The following GMPR variants were observed in gnomAD, a reference collection of about 807,000 sequenced individuals.
GMPR encodes the protein guanosine monophosphate reductase.
A neutral mutation model predicts 38.4 loss-of-function variants in GMPR; 31 were observed. That is an observed-to-expected ratio of 0.81 (90% CI 0.61 to 1.09). The LOEUF (loss-of-function observed/expected upper bound fraction) is 1.09, where lower values mean the gene tolerates loss of function less well. GMPR is among the 50% of genes least tolerant of loss of function. The pLI is 0.00. For synonymous variants in GMPR, 162 were observed against 173.3 expected (o/e 0.93, Z 0.51); for missense variants, 468 against 453.7 (o/e 1.03, Z -0.29).
intron 4 of GMPR, among the ~76,000 whole-genome samples, chr6:16,266,177 CACTTGCCATCTTTAAGAGCTGTAA>C: frequency 2.9e-5 from 4 of 139,922 alleles, no homozygotes; most frequent in Non-Finnish European, 4.5e-5. Flanking sequence ...AGAGCTGTAA[CACTTGCCATCTTTAAGAGCTGTAA>C]CACTCGCTGC....
chr6:16,241,325 C>CT (rs985883565), intron 1 of GMPR, among the ~76,000 whole-genome samples: 32 of 152,144 alleles, frequency 2.1e-4, no homozygotes, highest in African/African-American at 6.8e-4. Context: ...GATCATCAGG[C>CT]TATAGCAGGA....
chr6:16,285,707 CCA>C (rs1759666162), intron 6 of GMPR, 84 bp from the exon 7 acceptor site: 23 of 1,123,804 alleles, frequency 2.0e-5, no homozygotes, highest in Non-Finnish European at 2.8e-5. Flanking sequence ...GTCTGAACCC[CCA>C]GTCACTAGGT....
chr6:16,290,710 T>C, intron 8 of GMPR, 89 bp downstream of exon 8: 1 of 1,102,884 alleles, frequency 9.1e-7, no homozygotes, highest in Non-Finnish European at 1.3e-6. Context: ...ATAGCAGCTC[T>C]GTGTATATTA....
chr6:16,279,384 C>G (rs1231300726), intron 6 of GMPR, among the ~76,000 whole-genome samples: 1 of 152,186 alleles, frequency 6.6e-6, no homozygotes, highest in Non-Finnish European at 1.5e-5. Context: ...GCAAACATCC[C>G]CTTTTCCTGA....
At position 16,247,460 on chromosome 6, in the gene GMPR, C is replaced by T. The variant is rs186576709; in HGVS notation, c.207+499C>T. On this transcript the variant is annotated intron_variant, in intron 2 of 8. Transcript: ENST00000259727. ...CGTGATCTTGGCTCACTGCAACATT[C>T]GCCTCCCTGGTTCAAACAATTCTCC... Among the ~76,000 whole-genome samples, 150 of 151,714 alleles carry T rather than the reference C, an allele frequency of 9.9e-4. No homozygotes were observed. In the Middle Eastern group the frequency reaches 0.01, roughly 10 times the overall value.
At chr6:16,268,401 G>A (rs115719635) in intron 4 of GMPR, among the ~76,000 whole-genome samples, 1,579 of 152,144 alleles carry the variant, frequency 0.01, 20 homozygotes, top group African/African-American at 0.036. Flanking sequence ...TGCAGTCTCC[G>A]CCTCCCAGGT....
At chr6:16,259,722 A>C (rs1488570939) in intron 4 of GMPR, among the ~76,000 whole-genome samples, 1 of 152,080 alleles carries the variant, frequency 6.6e-6, no homozygotes, top group Non-Finnish European at 1.5e-5. Context: ...GGAATAAGAG[A>C]AGGAGAAAAA....
chr6:16,274,754 G>A (rs1343036928), intron 5 of GMPR, among the ~76,000 whole-genome samples: 1 of 152,092 alleles, frequency 6.6e-6, no homozygotes, highest in Non-Finnish European at 1.5e-5. Flanking sequence ...ATGAGGGCTT[G>A]GTTTCAGAAC....
chr6:16,278,881 C>T lies in GMPR; in HGVS notation c.645C>T (p.His215=). The part of the protein sequence containing the change: ...CADSAHGLKG[H]IISDGGCTCP... ...ACTCTGCCCATGGCCTGAAGGGCCA[C>T]ATCATCTCTGTGAGTCTCCACCCGG... The change falls in exon 6 of 9, where the codon CAC becomes CAT. Residue 215 remains histidine, a synonymous_variant. Transcript: ENST00000259727. 1 of 1,602,014 alleles carries T rather than the reference C, an allele frequency of 6.2e-7. No homozygotes were observed.
chr6:16,266,753 G>A (rs559551619), intron 4 of GMPR, among the ~76,000 whole-genome samples: 46 of 151,684 alleles, frequency 3.0e-4, no homozygotes, highest in African/African-American at 9.7e-4. Context: ...GGAGCTTGAC[G>A]GCACTCCGGC....
chr6:16,268,431 A>G (rs1759312461), intron 4 of GMPR, among the ~76,000 whole-genome samples: 1 of 152,124 alleles, frequency 6.6e-6, no homozygotes, highest in South Asian at 2.1e-4. Context: ...TCTCCTGAGT[A>G]GCACACCTGG....
intron 4 of GMPR, among the ~76,000 whole-genome samples, chr6:16,258,728 T>C (rs1759025136): frequency 1.3e-5 from 2 of 152,230 alleles, no homozygotes. Context: ...TCCAGTACTT[T>C]TATGTCCTTG....
At chr6:16,259,986 A>G (rs1458222172) in intron 4 of GMPR, among the ~76,000 whole-genome samples, 1 of 151,996 alleles carries the variant, frequency 6.6e-6, no homozygotes, top group Admixed American at 6.6e-5. Context: ...AGAAGATAGT[A>G]GGGATGACAA....
intron 7 of GMPR, among the ~76,000 whole-genome samples, chr6:16,288,961 C>T (rs1171450634): frequency 6.6e-6 from 1 of 152,170 alleles, no homozygotes; most frequent in Non-Finnish European, 1.5e-5. Context: ...CAAAACAGAC[C>T]ACTCACTCTA....
intron 6 of GMPR, 22 bp from the exon 7 acceptor site, chr6:16,285,771 C>G (rs201293158): frequency 6.2e-7 from 1 of 1,610,668 alleles, no homozygotes; most frequent in Non-Finnish European, 8.5e-7. Context: ...GATGTCCTGT[C>G]CTTGCTTTTT....
intron 4 of GMPR, among the ~76,000 whole-genome samples, chr6:16,269,690 G>A (rs1390786812): frequency 6.6e-6 from 1 of 152,132 alleles, no homozygotes; most frequent in Non-Finnish European, 1.5e-5. Flanking sequence ...CCAGCTACTC[G>A]GGAGGCTGAG....
chr6:16,292,766 T>G (rs1759864087), intron 8 of GMPR, among the ~76,000 whole-genome samples: 1 of 152,084 alleles, frequency 6.6e-6, no homozygotes, highest in Admixed American at 6.5e-5. Flanking sequence ...CTTTAAAAAA[T>G]TATAGAATCA....
chr6:16,267,522 CCTG>C (rs1389712422), intron 4 of GMPR, among the ~76,000 whole-genome samples: 1 of 152,160 alleles, frequency 6.6e-6, no homozygotes, highest in Non-Finnish European at 1.5e-5. Flanking sequence ...CGGCTTCACT[CCTG>C]AAGTCAGCAA....
intron 1 of GMPR, among the ~76,000 whole-genome samples, chr6:16,244,658 A>G (rs1338793221): frequency 6.6e-6 from 1 of 152,084 alleles, no homozygotes; most frequent in African/African-American, 2.4e-5. Flanking sequence ...TAGACAGGGA[A>G]TCTAATCTAT....
Sources: gnomAD v4.1 joint callset for allele counts (sites outside exome capture counted in the v4.1 genomes callset) on GRCh38, gnomAD v4.1.1 for gene constraint, MANE v1.5 for transcripts, NCBI Gene and HGNC (gene_info 2026-07-23, HGNC 2026-07-21) for gene names.